NCBP1: variants seen among roughly 807,000 people sequenced by gnomAD.
NCBP1 encodes the protein nuclear cap binding protein subunit 1, also known as nuclear cap-binding protein subunit 1.
NCBP1 carries 16 observed loss-of-function variants against 111.7 expected under a neutral mutation model. That is an observed-to-expected ratio of 0.14 (90% CI 0.10 to 0.22). The LOEUF is 0.22. NCBP1 is among the 10% of genes least tolerant of loss of function. NCBP1 has a pLI of 1.00. For missense variants in NCBP1, 607 were observed against 957.5 expected (o/e 0.63, Z 4.83); for synonymous variants, 304 against 314.3 (o/e 0.97, Z 0.35).
intron 14 of NCBP1, among the ~76,000 whole-genome samples, chr9:97,658,165 A>G (rs1277471351): frequency 6.9e-6 from 1 of 145,230 alleles, no homozygotes; most frequent in African/African-American, 2.9e-5. Context: ...CTTGGTGGAC[A>G]CACATCCATC....
intron 1 of NCBP1, among the ~76,000 whole-genome samples, chr9:97,636,768 C>T (rs993416306): frequency 6.6e-6 from 1 of 150,828 alleles, no homozygotes; most frequent in African/African-American, 2.4e-5. Context: ...AGCCTCCCCT[C>T]TAGAGTAGAG....
chr9:97,664,251 A>C, intron 18 of NCBP1, 89 bp from the exon 19 acceptor site: 3 of 767,862 alleles, frequency 3.9e-6, no homozygotes, highest in Non-Finnish European at 6.2e-6. Flanking sequence ...TAGCCCTCCT[A>C]TTTTACTTTT....
intron 1 of NCBP1, among the ~76,000 whole-genome samples, chr9:97,640,457 A>T (rs1281371040): frequency 6.6e-6 from 1 of 152,192 alleles, no homozygotes; most frequent in East Asian, 1.9e-4. Context: ...GTAGCGGTAC[A>T]TGAGTATTCT....
At position 97,671,278 on chromosome 9, in the gene NCBP1, T is replaced by A; in HGVS notation, c.*79T>A. The A allele has an allele frequency of 1.9e-6, 2 of 1,042,506 alleles. No homozygotes were observed. Among genetic ancestry groups the A allele is most frequent in the Non-Finnish European group, 2.9e-6 (2 of 696,686 alleles). The allele number at this position is 1,042,506 out of a possible 1,614,324, so 64.6% of individuals were successfully genotyped here. On this transcript the variant is annotated 3_prime_UTR_variant, in exon 23 of 23. Coordinates refer to ENST00000375147, the MANE Select transcript of NCBP1 (RefSeq NM_002486.5). ...CTTATTTTTTGATGGTTTGAATGCTTGCTTTCTTGTAGTATCCTTTCACTT... is the reference window on the plus strand; with the variant it reads ...CTTATTTTTTGATGGTTTGAATGCTAGCTTTCTTGTAGTATCCTTTCACTT...
chr9:97,664,467 C>A, intron 19 of NCBP1, 24 bp downstream of exon 19: 1 of 1,478,924 alleles, frequency 6.8e-7, no homozygotes. Flanking sequence ...TTTTATGAAA[C>A]TTGTGTTCCC....
At chr9:97,659,647 T>C (rs1827775423) in intron 15 of NCBP1, among the ~76,000 whole-genome samples, 1 of 152,234 alleles carries the variant, frequency 6.6e-6, no homozygotes, top group African/African-American at 2.4e-5. Flanking sequence ...GGCCATGCTG[T>C]TAGCCACTGT....
Position 97,671,175 on chromosome 9 carries a change from G to A in NCBP1, c.2349G>A (p.Gln783=). ...ACCCTCATATCTTGGCCGTGTTCCA[G>A]CAGTTCTGTGCCCTGCAGGCCTAAG... ...ELDPHILAVF[Q]QFCALQA The change falls in exon 23 of 23, where the codon CAG becomes CAA. Residue 783 remains glutamine, a synonymous_variant. Transcript: ENST00000375147. The A allele has an allele frequency of 6.2e-7, 1 of 1,611,952 alleles. No individual in the cohort carries two copies. Among genetic ancestry groups the A allele is most frequent in the Non-Finnish European group, 8.5e-7 (1 of 1,178,098 alleles).
At chr9:97,638,143 T>G (rs181503958) in intron 1 of NCBP1, among the ~76,000 whole-genome samples, 1 of 152,318 alleles carries the variant, frequency 6.6e-6, no homozygotes, top group East Asian at 1.9e-4. Flanking sequence ...CAGGTTGTCT[T>G]ATGAGTTCAA....
In NCBP1 at chr9:97,653,863, C is replaced by T. The variant is rs769811529; in HGVS notation, c.1125C>T (p.Leu375=). The T allele has an allele frequency of 5.8e-5, 94 of 1,613,990 alleles. No individual in the cohort carries two copies. The highest frequency in any genetic ancestry group is 7.7e-5 in the Non-Finnish European group (91 of 1,180,010). The change falls in exon 11 of 23, where the codon CTC becomes CTT. Residue 375 remains leucine, a synonymous_variant. Coordinates refer to ENST00000375147, the MANE Select transcript of NCBP1 (RefSeq NM_002486.5). ...PPHIDVMYTT[L]LIELCKLQPG... is the part of the protein sequence containing the mutation. ...ACATTGATGTGATGTACACAACACT[C>T]CTCATTGAACTGTGCAAACTTCAAC...
In NCBP1 at chr9:97,643,350, C is replaced by T. The variant is rs1158887405; in HGVS notation, c.371C>T (p.Ala124Val). Reference sequence around the variant, plus strand: ...TTGAAAGCAAACAATTATAATGAAGCCGTGTATTTGGTAAGTTAGTTTGTT... The same window carrying T: ...TTGAAAGCAAACAATTATAATGAAGTCGTGTATTTGGTAAGTTAGTTTGTT... ...ESLKANNYNE[A>V]VYLVRFLSDL... Residue 124 changes from alanine (A) to valine (V), a missense_variant, in exon 4 of 23, where the codon GCC becomes GTC. By Grantham distance (64) the Ala-to-Val change is moderately conservative (BLOSUM62 0). Coordinates refer to ENST00000375147, the MANE Select transcript of NCBP1 (RefSeq NM_002486.5). 1.3e-6 allele frequency: 2 copies of T among 1,595,586 alleles called. No homozygotes were observed. Among genetic ancestry groups the T allele is most frequent in the Non-Finnish European group, 1.7e-6 (2 of 1,173,916 alleles).
At chr9:97,645,078 A>T in intron 4 of NCBP1, 39 bp from the exon 5 acceptor site, 1 of 1,428,718 alleles carries the variant, frequency 7.0e-7, no homozygotes, top group Non-Finnish European at 9.9e-7. Flanking sequence ...ATTATAAAGA[A>T]CATTTAGGTT....
At chr9:97,637,700 A>C (rs1447105081) in intron 1 of NCBP1, among the ~76,000 whole-genome samples, 1 of 152,226 alleles carries the variant, frequency 6.6e-6, no homozygotes, top group African/African-American at 2.4e-5. Context: ...GATGAGCCAA[A>C]AAGAAGGGAA....
intron 11 of NCBP1, 74 bp from the exon 12 acceptor site, chr9:97,654,806 T>C: frequency 8.0e-7 from 1 of 1,257,830 alleles, no homozygotes. Flanking sequence ...TGAAATGTTT[T>C]ATTTCTATTC....
chr9:97,642,336 G>C (rs938668935), intron 3 of NCBP1, among the ~76,000 whole-genome samples: 2 of 151,928 alleles, frequency 1.3e-5, no homozygotes, highest in Admixed American at 6.6e-5. Flanking sequence ...TTTAATTTTT[G>C]GTTTTGGGAG....
intron 14 of NCBP1, among the ~76,000 whole-genome samples, chr9:97,656,827 CCTACCTAGCCAGCATA>C (rs1266386031): frequency 6.6e-6 from 1 of 152,194 alleles, no homozygotes; most frequent in East Asian, 1.9e-4. Context: ...AAACCACTCT[CCTACCTAGCCAGCATA>C]CAACCTTTTA....
intron 10 of NCBP1, among the ~76,000 whole-genome samples, chr9:97,652,881 T>A (rs1827538449): frequency 6.6e-6 from 1 of 152,136 alleles, no homozygotes; most frequent in Non-Finnish European, 1.5e-5. Context: ...GTATAGAAAT[T>A]CATCAGACCG....
chr9:97,658,584 T>TA, intron 14 of NCBP1, 56 bp from the exon 15 acceptor site: 1 of 1,328,160 alleles, frequency 7.5e-7, no homozygotes, highest in Non-Finnish European at 1.1e-6. Flanking sequence ...AGTCGGGTGT[T>TA]ACCGAAGAAT....
intron 11 of NCBP1, 122 bp downstream of exon 11, chr9:97,654,030 T>C: frequency 1.4e-6 from 1 of 724,494 alleles, no homozygotes; most frequent in Non-Finnish European, 2.3e-6. Context: ...GTGTGTTGTG[T>C]GTGTGTATTA....
chr9:97,646,159 C>T (rs928295535), intron 6 of NCBP1, among the ~76,000 whole-genome samples: 1 of 152,182 alleles, frequency 6.6e-6, no homozygotes, highest in Non-Finnish European at 1.5e-5. Flanking sequence ...ACTGTCCTAG[C>T]ACATACAGTA....
Sources: allele counts gnomAD v4.1 joint callset (sites outside exome capture counted in the v4.1 genomes callset), GRCh38; gene constraint gnomAD v4.1.1; transcripts MANE v1.5; gene names NCBI Gene and HGNC (gene_info 2026-07-23, HGNC 2026-07-21).